ZHX3: variants seen among roughly 807,000 people sequenced by gnomAD.
The protein encoded by ZHX3 is zinc fingers and homeoboxes 3.
ZHX3 carries 20 observed loss-of-function variants against 64.5 expected under a neutral mutation model. The ratio of observed to expected loss-of-function variants is 0.31; its 90% CI spans 0.22 to 0.45. ZHX3 has a LOEUF of 0.45. ZHX3 is among the 20% of genes least tolerant of loss of function. The pLI, the probability that ZHX3 is intolerant of heterozygous loss-of-function variation, is 1.00. For missense variants in ZHX3, 1,041 were observed against 1,195.8 expected (o/e 0.87, Z 1.91); for synonymous variants, 423 against 461.6 (o/e 0.92, Z 1.07).
intron 2 of ZHX3, among the ~76,000 whole-genome samples, chr20:41,214,471 T>A (rs530901467): frequency 6.6e-6 from 1 of 152,312 alleles, no homozygotes; most frequent in African/African-American, 2.4e-5. Context: ...CACAGTGAGC[T>A]CTCTGAGAAA....
At chr20:41,209,080 TC>T (rs1402929311) in intron 2 of ZHX3, among the ~76,000 whole-genome samples, 11 of 152,108 alleles carry the variant, frequency 7.2e-5, no homozygotes, top group Non-Finnish European at 1.3e-4. Context: ...ATGAGTGAAC[TC>T]CCATTCACGA....
intron 2 of ZHX3, among the ~76,000 whole-genome samples, chr20:41,263,246 T>C (rs1483031812): frequency 6.6e-6 from 1 of 152,054 alleles, no homozygotes; most frequent in Admixed American, 6.6e-5. Flanking sequence ...ATAATGAAGT[T>C]GGAAAATGTA....
intron 1 of ZHX3, among the ~76,000 whole-genome samples, chr20:41,297,909 G>A (rs764427983): frequency 6.6e-6 from 1 of 152,104 alleles, no homozygotes; most frequent in Non-Finnish European, 1.5e-5. Flanking sequence ...CACTTACAAG[G>A]TCTAGAGTGG....
At chr20:41,270,740 T>C (rs2043104346) in intron 1 of ZHX3, among the ~76,000 whole-genome samples, 1 of 151,966 alleles carries the variant, frequency 6.6e-6, no homozygotes, top group African/African-American at 2.4e-5. Flanking sequence ...CCTGGGCAAA[T>C]ATAACTGTGC....
Position 41,302,053 on chromosome 20 carries a change from CAAAAAAAAAAAA to C in ZHX3, c.-245+15444_-245+15455del, listed in dbSNP as rs555883542. Among the ~76,000 whole-genome samples, 79 of 62,384 alleles carry C rather than the reference CAAAAAAAAAAAA, an allele frequency of 1.3e-3. 1 individual carries two copies. Among genetic ancestry groups the C allele is most frequent in the South Asian group, 6.4e-3 (14 of 2,200 alleles). The allele number at this position is 62,384 out of a possible 152,430, so 40.9% of individuals were successfully genotyped here. A position where few individuals can be genotyped will look rare whatever the true frequency, so the allele number is the denominator to read the frequency against. On this transcript the variant is annotated intron_variant, in intron 1 of 3. Coordinates refer to ENST00000683867, the MANE Select transcript of ZHX3 (RefSeq NM_001384317.1). ...TGGGCGACGGAGCGAGACTCCATCT[CAAAAAAAAAAAA>C]AAAAAAAAAAAAAAAAAGGAACAGG...
At chr20:41,247,916 T>C (rs2041791035) in intron 2 of ZHX3, among the ~76,000 whole-genome samples, 1 of 152,184 alleles carries the variant, frequency 6.6e-6, no homozygotes, top group Non-Finnish European at 1.5e-5. Flanking sequence ...ACCTCAACTC[T>C]GCCTAGGCCA....
intron 1 of ZHX3, among the ~76,000 whole-genome samples, chr20:41,280,775 A>G (rs570379903): frequency 2.2e-4 from 33 of 152,158 alleles, no homozygotes; most frequent in Non-Finnish European, 4.3e-4. Flanking sequence ...ATAACCAAAG[A>G]CAAAAGTAGT....
rs763286425 is a variant in ZHX3 at position 41,180,971 on chromosome 20, G to A, written c.*4220C>T. 1.3e-5 allele frequency: 2 copies of A among 152,248 alleles called. No homozygotes were observed. Among genetic ancestry groups the A allele is most frequent in the African/African-American group, 2.4e-5 (1 of 41,454 alleles). The allele number at this position is 152,248 out of a possible 1,614,324, so 9.4% of individuals were successfully genotyped here. A position where few individuals can be genotyped will look rare whatever the true frequency, so the allele number is the denominator to read the frequency against. On this transcript the variant is annotated 3_prime_UTR_variant, in exon 4 of 4. Coordinates refer to ENST00000683867, the MANE Select transcript of ZHX3 (RefSeq NM_001384317.1). ...GAAGGGACTTGAGCACAGGAGAAAG[G>A]CTTGAGCTCCACAACTGCCCATTTG...
At chr20:41,207,730 C>A (rs1377053521) in intron 2 of ZHX3, among the ~76,000 whole-genome samples, 1 of 152,202 alleles carries the variant, frequency 6.6e-6, no homozygotes, top group Non-Finnish European at 1.5e-5. Flanking sequence ...TAAATGCCCA[C>A]AAGAGAAAGC....
intron 2 of ZHX3, among the ~76,000 whole-genome samples, chr20:41,264,251 T>C (rs1287107800): frequency 1.3e-5 from 2 of 148,530 alleles, no homozygotes; most frequent in Non-Finnish European, 3.0e-5. Flanking sequence ...TCCACTAAAA[T>C]ACAAAAAAAA....
rs2038575572 is a variant in ZHX3 at position 41,204,868 on chromosome 20, T to A, written c.49A>T (p.Thr17Ser). The A allele has an allele frequency of 6.4e-7, 1 of 1,573,708 alleles. No homozygotes were observed. The highest frequency in any genetic ancestry group is 1.8e-5 in the Admixed American group (1 of 55,194). The change falls in exon 3 of 4, where the codon ACT becomes TCT. Residue 17 changes from threonine to serine, a missense_variant. By Grantham distance (58) the Thr-to-Ser change is moderately conservative. This residue lies in a region of ZHX3 where 6 missense variants were observed against 20.3 expected (regional missense o/e 0.29). Coordinates refer to ENST00000683867, the MANE Select transcript of ZHX3 (RefSeq NM_001384317.1). This position sits in a 1 kb window ranked among gnomAD's most constrained non-coding sequence, Gnocchi z 6.6. Reference sequence around the variant, plus strand: ...ATGCTGGCATCTTGCAACACCACAGTCTTCACTGGGATCATGCATGGTGTG... The same window carrying A: ...ATGCTGGCATCTTGCAACACCACAGACTTCACTGGGATCATGCATGGTGTG... ...STTPCMIPVK[T>S]VVLQDASMEA...
At chr20:41,256,923 C>T (rs1278039704) in intron 2 of ZHX3, among the ~76,000 whole-genome samples, 1 of 152,022 alleles carries the variant, frequency 6.6e-6, no homozygotes, top group Non-Finnish European at 1.5e-5. Context: ...AGTATTTCAT[C>T]CCTCAGCCCC....
At chr20:41,307,248 C>T (rs1008726742) in intron 1 of ZHX3, among the ~76,000 whole-genome samples, 35 of 152,166 alleles carry the variant, frequency 2.3e-4, no homozygotes, top group African/African-American at 8.2e-4. Context: ...CTGTGGCCAA[C>T]CCCACAGGGA....
intron 1 of ZHX3, among the ~76,000 whole-genome samples, chr20:41,281,942 T>C (rs6129798): frequency 0.21 from 32,598 of 152,122 alleles, 3,622 homozygotes; most frequent in South Asian, 0.3. Flanking sequence ...TCCTGGGCTA[T>C]GATGACAGTG....
At chr20:41,272,474 A>T (rs1265519881) in intron 1 of ZHX3, among the ~76,000 whole-genome samples, 1 of 152,182 alleles carries the variant, frequency 6.6e-6, no homozygotes. Flanking sequence ...TACTGATGAA[A>T]TATTTTCATC....
At chr20:41,205,825 C>T (rs73907111) in intron 2 of ZHX3, among the ~76,000 whole-genome samples, 1 of 152,194 alleles carries the variant, frequency 6.6e-6, no homozygotes, top group Non-Finnish European at 1.5e-5. Flanking sequence ...ACCTTGAGAT[C>T]TGAGAACAGT....
intron 1 of ZHX3, among the ~76,000 whole-genome samples, chr20:41,298,410 A>C (rs910423451): frequency 6.6e-6 from 1 of 152,238 alleles, no homozygotes; most frequent in African/African-American, 2.4e-5. Context: ...TTGCTTTTAT[A>C]ATCAGACCAA....
chr20:41,240,619 T>C (rs1202372396), intron 2 of ZHX3, among the ~76,000 whole-genome samples: 3 of 152,192 alleles, frequency 2.0e-5, no homozygotes, highest in Non-Finnish European at 2.9e-5. Flanking sequence ...TTCAATTTTT[T>C]TGTACCCACG....
rs933078985 is a variant in ZHX3 at position 41,202,555 on chromosome 20, A to G, written c.2362T>C (p.Trp788Arg). The change falls in exon 3 of 4, where the codon TGG becomes CGG. Residue 788 changes from tryptophan to arginine, a missense_variant. This residue lies in a region of ZHX3 where 649 missense variants were observed against 739.8 expected (regional missense o/e 0.88). Transcript: ENST00000683867. This position sits in a 1 kb window ranked among gnomAD's most constrained non-coding sequence, Gnocchi z 7.0. The stretch of plus-strand genomic sequence containing the variant: ...GAGTCATAGTCCTGGTTGCTTGGCC[A>G]CTGTGTCTGGACAAAGAGCTGCCGC... ...LLRQLFVQTQ[W>R]PSNQDYDSIM... 6.2e-7 allele frequency: 1 copy of G among 1,613,938 alleles called. No individual in the cohort carries two copies. The highest frequency in any genetic ancestry group is 8.5e-7 in the Non-Finnish European group (1 of 1,180,012).
Sources: gnomAD v4.1 joint callset for allele counts (sites outside exome capture counted in the v4.1 genomes callset) on GRCh38, gnomAD v4.1.1 for gene constraint, gnomAD v4.1.1 regional missense constraint, Gnocchi (gnomAD v3.1) non-coding constraint, MANE v1.5 for transcripts, NCBI Gene and HGNC (gene_info 2026-07-23, HGNC 2026-07-21) for gene names.